The following CD38 variants were observed in gnomAD, a reference collection of about 807,000 sequenced individuals.
CD38 encodes ADP-ribosyl cyclase/cyclic ADP-ribose hydrolase 1.
CD38 carries 31 observed loss-of-function variants against 36.3 expected under a neutral mutation model. The observed-to-expected ratio is 0.85, with a 90% confidence interval of 0.64 to 1.15. The LOEUF (loss-of-function observed/expected upper bound fraction) is 1.15. Ranked by LOEUF, CD38 falls within the 50% of genes most tolerant of loss-of-function variation. CD38 has a pLI of 0.00. For synonymous variants in CD38, 131 were observed against 135.2 expected (o/e 0.97, Z 0.22); for missense variants, 380 against 371.9 (o/e 1.02, Z -0.18).
At position 15,849,629 on chromosome 4, in the gene CD38, T is replaced by A. The variant is rs2148930504; in HGVS notation, c.*1027T>A. The A allele has an allele frequency of 6.6e-6, 1 of 152,368 alleles. No homozygotes were observed. The allele number at this position is 152,368 out of a possible 1,614,324, so 9.4% of individuals were successfully genotyped here. On this transcript the variant is annotated 3_prime_UTR_variant, in exon 8 of 8. Coordinates refer to ENST00000226279, the MANE Select transcript of CD38 (RefSeq NM_001775.4). ...AGCTTATATTTTCTCTCTTTTTTCA[T>A]GGATTAACCTTGCTTGAGGGCTTTA...
chr4:15,847,423 G>T (rs1397202890), intron 7 of CD38, among the ~76,000 whole-genome samples: 4 of 43,082 alleles, frequency 9.3e-5, no homozygotes, highest in Non-Finnish European at 1.2e-4. Context: ...GTCGGGGGAG[G>T]GGGGAGGGAT....
chr4:15,813,923 C>T (rs1723528744), intron 1 of CD38, among the ~76,000 whole-genome samples: 1 of 152,130 alleles, frequency 6.6e-6, no homozygotes, highest in Admixed American at 6.5e-5. Context: ...GTGGATGTGT[C>T]TTTATAGTAC....
chr4:15,832,890 A>G (rs1347354072), intron 3 of CD38, among the ~76,000 whole-genome samples: 2 of 152,172 alleles, frequency 1.3e-5, no homozygotes, highest in Non-Finnish European at 2.9e-5. Flanking sequence ...AAACCTTAGA[A>G]GTCTACCTAG....
chr4:15,836,228 T>G (rs116121290), intron 4 of CD38, among the ~76,000 whole-genome samples: 2,072 of 152,276 alleles, frequency 0.014, 46 homozygotes, highest in African/African-American at 0.047. Flanking sequence ...TGCCAGCAGA[T>G]TCAATGTCTG....
Position 15,849,297 on chromosome 4 carries a change from C to G in CD38, c.*695C>G, listed in dbSNP as rs1724336041. 1 of 152,168 alleles carries G rather than the reference C, an allele frequency of 6.6e-6. No individual in the cohort carries two copies. Among genetic ancestry groups the G allele is most frequent in the Non-Finnish European group, 1.5e-5 (1 of 68,040 alleles). 9.4% of individuals were successfully genotyped at this position (152,168 alleles called of 1,614,324 possible). ...AAAACCACAATTATTTTTGAACCAACCTAATAATTTACCGTAAGTCCTACA... is the reference window on the plus strand; with the variant it reads ...AAAACCACAATTATTTTTGAACCAAGCTAATAATTTACCGTAAGTCCTACA... On this transcript the variant is annotated 3_prime_UTR_variant, in exon 8 of 8. Transcript: ENST00000226279.
intron 1 of CD38, among the ~76,000 whole-genome samples, chr4:15,814,953 T>A (rs575993985): frequency 6.6e-6 from 1 of 152,084 alleles, no homozygotes; most frequent in South Asian, 2.1e-4. Context: ...ATTACAGGCA[T>A]GTATCACCGC....
chr4:15,786,374 C>A (rs765323276), intron 1 of CD38, among the ~76,000 whole-genome samples: 24 of 152,230 alleles, frequency 1.6e-4, no homozygotes, highest in Non-Finnish European at 3.2e-4. Context: ...AAACCTTGAG[C>A]TAGACACAAA....
chr4:15,798,976 A>C (rs1432690041), intron 1 of CD38, among the ~76,000 whole-genome samples: 1 of 152,200 alleles, frequency 6.6e-6, no homozygotes, highest in Non-Finnish European at 1.5e-5. Flanking sequence ...TCTATGGCTT[A>C]ACTCTTGACA....
At chr4:15,784,829 G>A (rs1722775867) in intron 1 of CD38, among the ~76,000 whole-genome samples, 1 of 152,106 alleles carries the variant, frequency 6.6e-6, no homozygotes, top group Non-Finnish European at 1.5e-5. Flanking sequence ...AGGCTGACGT[G>A]GGTGGATGAC....
intron 5 of CD38, among the ~76,000 whole-genome samples, chr4:15,839,555 C>T (rs1724155896): frequency 6.7e-6 from 1 of 150,252 alleles, no homozygotes; most frequent in African/African-American, 2.5e-5. Flanking sequence ...TCCTGAATAA[C>T]TGGGACTACA....
chr4:15,804,561 G>A (rs1215975148), intron 1 of CD38, among the ~76,000 whole-genome samples: 1 of 152,102 alleles, frequency 6.6e-6, no homozygotes, highest in Non-Finnish European at 1.5e-5. Context: ...AGAAAATGTG[G>A]GATATATAGA....
At chr4:15,825,122 C>T (rs980388139) in intron 3 of CD38, 106 bp downstream of exon 3, 8 of 1,129,216 alleles carry the variant, frequency 7.1e-6, no homozygotes, top group Middle Eastern at 2.0e-4. Flanking sequence ...GCCACAGGCA[C>T]CCATCCTGAT....
At chr4:15,826,802 C>G (rs1723862039) in intron 3 of CD38, among the ~76,000 whole-genome samples, 1 of 151,988 alleles carries the variant, frequency 6.6e-6, no homozygotes, top group South Asian at 2.1e-4. Context: ...ACCTATATCC[C>G]CACTAACACC....
chr4:15,787,555 T>C (rs1722865358), intron 1 of CD38, among the ~76,000 whole-genome samples: 1 of 152,192 alleles, frequency 6.6e-6, no homozygotes, highest in African/African-American at 2.4e-5. Context: ...TCAGGGTCAC[T>C]GGCCTCCTTT....
chr4:15,816,700 A>T (rs771081927), intron 2 of CD38, 60 bp downstream of exon 2: 1 of 1,553,156 alleles, frequency 6.4e-7, no homozygotes, highest in African/African-American at 1.4e-5. Context: ...GTAACAATTC[A>T]TAGGTCCAAA....
chr4:15,816,526 A>G lies in CD38; in HGVS notation c.249A>G (p.Gln83=). ...IHPEMRHVDC[Q]SVWDAFKGAF... is the part of the protein sequence containing the mutation. Reference sequence around the variant, plus strand: ...TTTATCTCAGACATGTAGACTGCCAAAGTGTATGGGATGCTTTCAAGGGTG... The same window carrying G: ...TTTATCTCAGACATGTAGACTGCCAGAGTGTATGGGATGCTTTCAAGGGTG... Residue 83 remains glutamine (Q), a synonymous_variant, in exon 2 of 8, where the codon CAA becomes CAG. Coordinates refer to ENST00000226279, the MANE Select transcript of CD38 (RefSeq NM_001775.4). 1.2e-6 allele frequency: 2 copies of G among 1,612,794 alleles called. No homozygotes were observed. The highest frequency in any genetic ancestry group is 2.2e-5 in the South Asian group (2 of 90,922).
At position 15,778,862 on chromosome 4, in the gene CD38, CG is replaced by C. The variant is rs3216860; in HGVS notation, c.233+224del. 8.9e-5 allele frequency among the ~76,000 whole-genome samples: 13 copies of C among 146,580 alleles called. 1 individual carries two copies. Among genetic ancestry groups the C allele is most frequent in the African/African-American group, 1.5e-4 (6 of 39,810 alleles). On this transcript the variant is annotated intron_variant, in intron 1 of 7. Transcript: ENST00000226279. This position sits in a 1 kb window ranked among gnomAD's most constrained non-coding sequence, Gnocchi z 4.9. Reference sequence around the variant, plus strand: ...TGGCACCGAGCGTGCCCGCGGGAGGCGGGGGGGGGCGCTGCTCGGTGGCTCT... The same window carrying C: ...TGGCACCGAGCGTGCCCGCGGGAGGCGGGGGGGGCGCTGCTCGGTGGCTCT...
intron 3 of CD38, among the ~76,000 whole-genome samples, chr4:15,826,978 CTAT>C (rs1342259397): frequency 2.0e-5 from 3 of 152,118 alleles, no homozygotes; most frequent in Non-Finnish European, 4.4e-5. Flanking sequence ...TATGCGGTAT[CTAT>C]TATTTTCTAA....
chr4:15,817,975 A>G (rs1723638598), intron 2 of CD38, among the ~76,000 whole-genome samples: 1 of 152,062 alleles, frequency 6.6e-6, no homozygotes, highest in Non-Finnish European at 1.5e-5. Flanking sequence ...TTCGTACCCC[A>G]GTGGCGCCTG....
Sources: gnomAD v4.1 joint callset for allele counts (sites outside exome capture counted in the v4.1 genomes callset) on GRCh38, gnomAD v4.1.1 for gene constraint, Gnocchi (gnomAD v3.1) non-coding constraint, MANE v1.5 for transcripts, NCBI Gene and HGNC (gene_info 2026-07-23, HGNC 2026-07-21) for gene names.